Variants in FAM149A observed in about 807,000 individuals in gnomAD.
FAM149A encodes the protein protein FAM149A.
FAM149A carries 71 observed loss-of-function variants against 78.2 expected under a neutral mutation model. The observed-to-expected ratio is 0.91, with a 90% CI of 0.75 to 1.11. FAM149A has a LOEUF of 1.11. Ranked by LOEUF, FAM149A falls within the 50% of genes least tolerant of loss-of-function variation. The pLI, the probability that FAM149A is intolerant of heterozygous loss-of-function variation, is 0.00. For synonymous variants in FAM149A, 446 were observed against 410.5 expected (o/e 1.09, Z -1.04); for missense variants, 1,036 against 971.0 (o/e 1.07, Z -0.89).
intron 1 of FAM149A, among the ~76,000 whole-genome samples, chr4:186,137,771 TATC>T (rs1467506471): frequency 3.9e-5 from 6 of 152,082 alleles, no homozygotes; most frequent in Non-Finnish European, 7.4e-5. Context: ...TATCATTTAA[TATC>T]ATATTTATTT....
At chr4:186,139,405 G>A in intron 1 of FAM149A, among the ~76,000 whole-genome samples, 1 of 152,074 alleles carries the variant, frequency 6.6e-6, no homozygotes, top group Non-Finnish European at 1.5e-5. Flanking sequence ...GGGCCTTTAG[G>A]AGGCGATTAG....
rs149349775 is a variant in FAM149A at position 186,116,640 on chromosome 4, C to G, written c.566+10998C>G. ...GACAGAGTCTCACTCTGTCACCAGG[C>G]TGGCTGGAGGGCAGCGGCACGATCT... On this transcript the variant is annotated intron_variant, in intron 1 of 13. Transcript: ENST00000389354. The G allele has an allele frequency of 8.3e-3, 8,106 of 971,192 alleles. 42 individuals carry two copies. The highest frequency in any genetic ancestry group is 9.4e-3 in the Non-Finnish European group (7,666 of 817,472). The allele number at this position is 971,192 out of a possible 1,614,324, so 60.2% of individuals were successfully genotyped here.
At position 186,164,494 on chromosome 4, in the gene FAM149A, T is replaced by A; in HGVS notation, c.1890-850T>A. 1.0e-6 allele frequency: 1 copy of A among 985,310 alleles called. No individual in the cohort carries two copies. The highest frequency in any genetic ancestry group is 1.2e-6 in the Non-Finnish European group (1 of 829,808). 61.0% of individuals were successfully genotyped at this position (985,310 alleles called of 1,614,324 possible). A position where few individuals can be genotyped will look rare whatever the true frequency, so the allele number is the denominator to read the frequency against. Reference sequence around the variant, plus strand: ...ACCTGGCACCCAGACTTTTTCCAGATGCAGTCATAACCCCCCTTTCAGCTT... The same window carrying A: ...ACCTGGCACCCAGACTTTTTCCAGAAGCAGTCATAACCCCCCTTTCAGCTT... On this transcript the variant is annotated intron_variant, in intron 10 of 13. Coordinates refer to ENST00000389354, the MANE Select transcript of FAM149A (RefSeq NM_001367768.3). The surrounding 1 kb of genome is among the most constrained non-coding windows in gnomAD (Gnocchi z 4.0).
intron 1 of FAM149A, among the ~76,000 whole-genome samples, chr4:186,135,059 C>T (rs1045551942): frequency 2.6e-5 from 4 of 152,172 alleles, no homozygotes; most frequent in Admixed American, 6.5e-5. Flanking sequence ...AATCCACATT[C>T]GCACTGCAGA....
At chr4:186,150,729 T>C (rs1184588398) in intron 3 of FAM149A, among the ~76,000 whole-genome samples, 4 of 3,210 alleles carry the variant, frequency 1.2e-3, no homozygotes, top group Middle Eastern at 0.17. Flanking sequence ...TTTTCTCTCT[T>C]TTTTTTTTTT....
In FAM149A at chr4:186,167,235, A is replaced by C; in HGVS notation, c.2191A>C (p.Thr731Pro). 6.2e-7 allele frequency: 1 copy of C among 1,613,380 alleles called. No individual in the cohort carries two copies. The highest frequency in any genetic ancestry group is 8.5e-7 in the Non-Finnish European group (1 of 1,179,270). The change falls in exon 13 of 14, where the codon ACA becomes CCA. Residue 731 changes from threonine (T) to proline (P), a missense_variant. By Grantham distance (38) the Thr-to-Pro change is conservative. Coordinates refer to ENST00000389354, the MANE Select transcript of FAM149A (RefSeq NM_001367768.3). ...GACACAAATGGAATTTGCTGCTCAC[A>C]CATGGACAGGTCAAAGTATTTTGAC... is the stretch of plus-strand genomic sequence containing the variant.
In FAM149A at chr4:186,156,156, G is replaced by A. The variant is rs763394753; in HGVS notation, c.1386G>A (p.Glu462=). ...CAAATATGGTAGAACTTTTGGAAGA[G>A]CTGATTAGAAAACACTGGGAAACTA... Residue 462 remains glutamate, a synonymous_variant, in exon 7 of 14, where the codon GAG becomes GAA. Coordinates refer to ENST00000389354, the MANE Select transcript of FAM149A (RefSeq NM_001367768.3). 5.0e-6 allele frequency: 8 copies of A among 1,613,258 alleles called. No individual in the cohort carries two copies. In the African/African-American group the frequency reaches 9.3e-5, roughly 19 times the overall value.
chr4:186,119,261 G>C (rs1163991267), intron 1 of FAM149A, among the ~76,000 whole-genome samples: 1 of 152,112 alleles, frequency 6.6e-6, no homozygotes, highest in Non-Finnish European at 1.5e-5. Flanking sequence ...TAGACACCAT[G>C]TACTACGTAG....
rs986134620 is a variant in FAM149A, at chr4:186,144,539, T to A, written c.567-4634T>A. 1 of 152,458 alleles carries A rather than the reference T, an allele frequency of 6.6e-6. No homozygotes were observed. Among genetic ancestry groups the A allele is most frequent in the African/African-American group, 2.4e-5 (1 of 41,470 alleles). 9.4% of individuals were successfully genotyped at this position (152,458 alleles called of 1,614,324 possible). On this transcript the variant is annotated intron_variant, in intron 1 of 13. Coordinates refer to ENST00000389354, the MANE Select transcript of FAM149A (RefSeq NM_001367768.3). This position sits in a 1 kb window ranked among gnomAD's most constrained non-coding sequence, Gnocchi z 4.2. ...GAGATGGTCCTGTGGTTCTCTGCCT[T>A]CTTCTGGTGAATTAAAATCCGATTT...
intron 3 of FAM149A, chr4:186,150,957 T>C: frequency 1.2e-6 from 1 of 828,808 alleles, no homozygotes; most frequent in Non-Finnish European, 1.5e-6. Flanking sequence ...CCTGACGTTG[T>C]GATCCGCCTG....
Position 186,164,859 on chromosome 4 carries a change from G to A in FAM149A, c.1890-485G>A, listed in dbSNP as rs1441126763. On this transcript the variant is annotated intron_variant, in intron 10 of 13. Coordinates refer to ENST00000389354, the MANE Select transcript of FAM149A (RefSeq NM_001367768.3). The surrounding 1 kb of genome is among the most constrained non-coding windows in gnomAD (Gnocchi z 4.0). The stretch of plus-strand genomic sequence containing the variant: ...GCTTTCTTTTTATTATTGCCACCCT[G>A]AGGAGCCCTTTTCGACCATTCTTCC... Among the ~76,000 whole-genome samples the A allele has an allele frequency of 1.3e-5, 2 of 152,152 alleles. No individual in the cohort carries two copies. The highest frequency in any genetic ancestry group is 4.2e-4 in the South Asian group (2 of 4,810).
At position 186,172,143 on chromosome 4, in the gene FAM149A, C is replaced by T. The variant is rs879646751; in HGVS notation, c.*156C>T. 38 of 1,143,540 alleles carry T rather than the reference C, an allele frequency of 3.3e-5. No individual in the cohort carries two copies. The highest frequency in any genetic ancestry group is 4.2e-5 in the Non-Finnish European group (36 of 854,626). 70.8% of individuals were successfully genotyped at this position (1,143,540 alleles called of 1,614,324 possible). A position where few individuals can be genotyped will look rare whatever the true frequency, so the allele number is the denominator to read the frequency against. ...AACAAATAAATCACTTAATCTTGAA[C>T]ACTTTGCACTGTAAAGAGAGTGAAA... On this transcript the variant is annotated 3_prime_UTR_variant, in exon 14 of 14. Transcript: ENST00000389354.
intron 7 of FAM149A, among the ~76,000 whole-genome samples, chr4:186,156,677 T>C (rs181590143): frequency 7.3e-5 from 11 of 150,166 alleles, no homozygotes; most frequent in African/African-American, 2.4e-4. Context: ...TAAAACTCCA[T>C]CTCAAAAAAA....
intron 1 of FAM149A, among the ~76,000 whole-genome samples, chr4:186,125,033 C>CA (rs1182782844): frequency 6.6e-6 from 1 of 152,136 alleles, no homozygotes; most frequent in African/African-American, 2.4e-5. Flanking sequence ...AGCATTTTTT[C>CA]ATGTGTCTTT....
chr4:186,119,311 T>C (rs541652353), intron 1 of FAM149A, among the ~76,000 whole-genome samples: 1 of 152,314 alleles, frequency 6.6e-6, no homozygotes, highest in Admixed American at 6.5e-5. Flanking sequence ...TTATTATGTA[T>C]TGAAAAAAGA....
At position 186,104,988 on chromosome 4, in the gene FAM149A, C is replaced by T. The variant is rs1187336135; in HGVS notation, c.-89C>T. 3.5e-5 allele frequency: 43 copies of T among 1,220,940 alleles called. No individual in the cohort carries two copies. Among genetic ancestry groups the T allele is most frequent in the African/African-American group, 9.9e-5 (6 of 60,694 alleles). 75.6% of individuals were successfully genotyped at this position (1,220,940 alleles called of 1,614,324 possible). On this transcript the variant is annotated 5_prime_UTR_variant, in exon 1 of 14. Transcript: ENST00000389354. Reference sequence around the variant, plus strand: ...GGGCTCCGGGTGCGGGGACCTCAGGCTCCTCGCCCCGGCCCGGGCCGCCTC... The same window carrying T: ...GGGCTCCGGGTGCGGGGACCTCAGGTTCCTCGCCCCGGCCCGGGCCGCCTC...
intron 6 of FAM149A, chr4:186,155,055 C>T (rs574557355): frequency 1.6e-5 from 7 of 448,074 alleles, no homozygotes; most frequent in East Asian, 1.6e-4. Flanking sequence ...CTCCGCCTCC[C>T]GGGTTCACGC....
intron 3 of FAM149A, chr4:186,151,100 C>T: frequency 1.0e-6 from 1 of 981,280 alleles, no homozygotes; most frequent in Non-Finnish European, 1.2e-6. Context: ...GGGGAGCCGG[C>T]AGGGCAGGTG....
At chr4:186,146,720 G>A in intron 1 of FAM149A, 1 of 896,518 alleles carries the variant, frequency 1.1e-6, no homozygotes, top group Non-Finnish European at 1.3e-6. Context: ...AATATCAGCT[G>A]CCCAAAGAAG....
Sources: gnomAD v4.1 joint callset for allele counts (sites outside exome capture counted in the v4.1 genomes callset) on GRCh38, gnomAD v4.1.1 for gene constraint, Gnocchi (gnomAD v3.1) non-coding constraint, MANE v1.5 for transcripts, NCBI Gene and HGNC (gene_info 2026-07-23, HGNC 2026-07-21) for gene names.